Variants in CCDC85A observed in about 807,000 individuals in gnomAD.
The protein encoded by CCDC85A is coiled-coil domain-containing protein 85A.
Under a neutral mutation model 50.2 loss-of-function variants are expected in CCDC85A, and 38 were observed. The observed-to-expected ratio is 0.76, with a 90% CI of 0.58 to 0.99. The LOEUF (loss-of-function observed/expected upper bound fraction) is 0.99. Ranked by LOEUF, CCDC85A falls within the 50% of genes least tolerant of loss-of-function variation. The probability of loss-of-function intolerance (pLI) is 0.00; values close to 1 mark genes in which losing one functional copy is unlikely to be tolerated. For synonymous variants in CCDC85A, 366 were observed against 301.4 expected (o/e 1.21, Z -2.22); for missense variants, 820 against 742.0 (o/e 1.11, Z -1.22).
intron 2 of CCDC85A, among the ~76,000 whole-genome samples, chr2:56,216,887 A>C (rs1313394918): frequency 1.3e-5 from 2 of 151,764 alleles, no homozygotes; most frequent in Admixed American, 6.6e-5. Flanking sequence ...TCATGGGGCC[A>C]AGGGAATGTG....
intron 2 of CCDC85A, among the ~76,000 whole-genome samples, chr2:56,221,712 T>C (rs1373956635): frequency 1.3e-5 from 2 of 152,104 alleles, no homozygotes; most frequent in Non-Finnish European, 1.5e-5. Flanking sequence ...TAGTAAAATA[T>C]TTGAAAACAG....
chr2:56,221,801 C>G (rs1397709719), intron 2 of CCDC85A, among the ~76,000 whole-genome samples: 1 of 151,982 alleles, frequency 6.6e-6, no homozygotes, highest in African/African-American at 2.4e-5. Flanking sequence ...TTTTTAATTT[C>G]TTACTACATG....
chr2:56,230,001 A>T (rs1668710296), intron 2 of CCDC85A, among the ~76,000 whole-genome samples: 1 of 152,218 alleles, frequency 6.6e-6, no homozygotes, highest in African/African-American at 2.4e-5. Context: ...AGTGAGGTTG[A>T]TGCAAATATT....
intron 5 of CCDC85A, among the ~76,000 whole-genome samples, chr2:56,382,843 C>G (rs936372537): frequency 1.3e-5 from 2 of 151,980 alleles, no homozygotes; most frequent in African/African-American, 4.8e-5. Flanking sequence ...GTCCTTAAGT[C>G]TACCCTCTGC....
At position 56,184,823 on chromosome 2, in the gene CCDC85A, A is replaced by G. The variant is rs759463129; in HGVS notation, c.199A>G (p.Met67Val). Residue 67 changes from methionine (M) to valine (V), a missense_variant, in exon 1 of 6, where the codon ATG becomes GTG. Met to Val is a conservative substitution (Grantham distance 21). Transcript: ENST00000407595. ...RRAEAEKVSA[M>V]LDHSNLIREV... ...CGCCGAGGCGGAGAAGGTGAGCGCG[A>G]TGCTGGACCACAGCAACCTCATCCG... 1.9e-6 allele frequency: 3 copies of G among 1,544,748 alleles called. No homozygotes were observed. The South Asian group carries it at 3.6e-5, about 18-fold the overall frequency.
At chr2:56,320,234 G>A (rs1478656069) in intron 2 of CCDC85A, among the ~76,000 whole-genome samples, 3 of 152,006 alleles carry the variant, frequency 2.0e-5, no homozygotes, top group African/African-American at 4.8e-5. Flanking sequence ...AAGAACTAGA[G>A]AAGCAAGAGC....
chr2:56,201,193 G>T (rs1360769532), intron 2 of CCDC85A, among the ~76,000 whole-genome samples: 1 of 151,664 alleles, frequency 6.6e-6, no homozygotes, highest in Admixed American at 6.6e-5. Context: ...TACGTTTAAA[G>T]ATATTGAATG....
intron 3 of CCDC85A, among the ~76,000 whole-genome samples, chr2:56,353,104 GT>G: frequency 6.6e-6 from 1 of 152,230 alleles, no homozygotes; most frequent in East Asian, 1.9e-4. Context: ...ATCGTGGGGG[GT>G]TACTCTACCT....
At chr2:56,261,386 G>A (rs754629615) in intron 2 of CCDC85A, among the ~76,000 whole-genome samples, 5 of 152,172 alleles carry the variant, frequency 3.3e-5, no homozygotes, top group South Asian at 2.1e-4. Flanking sequence ...CTCTGGCACA[G>A]CCCTGCTGCC....
intron 2 of CCDC85A, among the ~76,000 whole-genome samples, chr2:56,218,183 C>G (rs949968129): frequency 6.6e-6 from 1 of 151,848 alleles, no homozygotes. Flanking sequence ...CTTGTGACTG[C>G]AGATAAACAG....
chr2:56,335,404 T>C (rs1406104571), intron 2 of CCDC85A, among the ~76,000 whole-genome samples: 1 of 152,140 alleles, frequency 6.6e-6, no homozygotes, highest in African/African-American at 2.4e-5. Context: ...CCTCTTTTGC[T>C]GAGAGAGACT....
chr2:56,255,103 G>GTTCTT (rs1669926521), intron 2 of CCDC85A, among the ~76,000 whole-genome samples: 2 of 152,122 alleles, frequency 1.3e-5, no homozygotes, highest in African/African-American at 4.8e-5. Flanking sequence ...ATCACACCTT[G>GTTCTT]CTCTTCTCTG....
intron 5 of CCDC85A, among the ~76,000 whole-genome samples, chr2:56,382,450 T>C (rs1022036738): frequency 6.6e-6 from 1 of 151,990 alleles, no homozygotes; most frequent in Non-Finnish European, 1.5e-5. Flanking sequence ...TAGTTAGCTA[T>C]TCTCTTCCCA....
intron 2 of CCDC85A, among the ~76,000 whole-genome samples, chr2:56,228,324 TATA>T (rs36058795): frequency 7.4e-5 from 11 of 148,054 alleles, no homozygotes; most frequent in Non-Finnish European, 1.0e-4. Flanking sequence ...AAACTTAAAG[TATA>T]ATAATAATAA....
chr2:56,248,349 G>A (rs4672101), intron 2 of CCDC85A, among the ~76,000 whole-genome samples: 14,852 of 152,172 alleles, frequency 0.098, 905 homozygotes, highest in Middle Eastern at 0.13. Context: ...ATCGTAACCA[G>A]GGGCCAAGTG....
intron 2 of CCDC85A, among the ~76,000 whole-genome samples, chr2:56,337,114 C>T (rs1042478691): frequency 6.6e-6 from 1 of 152,170 alleles, no homozygotes; most frequent in Non-Finnish European, 1.5e-5. Context: ...CTCTAAGGTA[C>T]GTAGTACCAG....
intron 3 of CCDC85A, among the ~76,000 whole-genome samples, chr2:56,359,780 A>G (rs1429956435): frequency 6.6e-6 from 1 of 152,220 alleles, no homozygotes; most frequent in Admixed American, 6.5e-5. Flanking sequence ...CTTCATATTA[A>G]TATTCTTCCT....
chr2:56,378,825 G>A (rs1172035699), intron 5 of CCDC85A, among the ~76,000 whole-genome samples: 1 of 152,176 alleles, frequency 6.6e-6, no homozygotes, highest in Non-Finnish European at 1.5e-5. Context: ...GATGACAGTA[G>A]AATCAAGTAG....
At chr2:56,229,071 A>G (rs1668669378) in intron 2 of CCDC85A, among the ~76,000 whole-genome samples, 1 of 152,160 alleles carries the variant, frequency 6.6e-6, no homozygotes, top group East Asian at 1.9e-4. Context: ...TTCTTTATGA[A>G]AAACCAAGCC....
Sources: allele counts gnomAD v4.1 joint callset (sites outside exome capture counted in the v4.1 genomes callset), GRCh38; gene constraint gnomAD v4.1.1; transcripts MANE v1.5; gene names NCBI Gene and HGNC (gene_info 2026-07-23, HGNC 2026-07-21).